Variants in PACRG observed in about 807,000 individuals in gnomAD.
The protein encoded by PACRG is parkin coregulated, also known as parkin coregulated gene protein.
A neutral mutation model predicts 29.7 loss-of-function variants in PACRG; 29 were observed. The ratio of observed to expected loss-of-function variants is 0.98; its 90% CI spans 0.73 to 1.33. The LOEUF is 1.33. Ranked by LOEUF, PACRG falls within the 40% of genes most tolerant of loss-of-function variation. The pLI, the probability that PACRG is intolerant of heterozygous loss-of-function variation, is 0.00. For missense variants in PACRG, 279 were observed against 316.2 expected, an observed-to-expected ratio of 0.88 and a Z score of 0.89; for synonymous variants, 116 against 118.7, an observed-to-expected ratio of 0.98 and a Z score of 0.15.
intron 1 of PACRG, among the ~76,000 whole-genome samples, chr6:162,731,972 C>T (rs1779804143): frequency 6.6e-6 from 1 of 152,006 alleles, no homozygotes; most frequent in Non-Finnish European, 1.5e-5. Context: ...TTCTTTGCAT[C>T]CTGTAAAATG....
At chr6:162,942,233 C>G (rs1039604176) in intron 2 of PACRG, among the ~76,000 whole-genome samples, 1 of 152,168 alleles carries the variant, frequency 6.6e-6, no homozygotes, top group Admixed American at 6.5e-5. Context: ...GCTATTCTCT[C>G]CACATACTGA....
intron 2 of PACRG, among the ~76,000 whole-genome samples, chr6:162,940,394 C>G (rs574058891): frequency 6.6e-6 from 1 of 151,726 alleles, no homozygotes; most frequent in Admixed American, 6.6e-5. Context: ...CTCTCTCCCT[C>G]TCTCTCTCTC....
At chr6:162,797,104 C>T (rs1234624337) in intron 1 of PACRG, among the ~76,000 whole-genome samples, 1 of 152,160 alleles carries the variant, frequency 6.6e-6, no homozygotes, top group Non-Finnish European at 1.5e-5. Flanking sequence ...TGGCGACCCC[C>T]CGTCTCTACT....
At chr6:163,019,260 T>C (rs1427551889) in intron 2 of PACRG, among the ~76,000 whole-genome samples, 1 of 152,192 alleles carries the variant, frequency 6.6e-6, no homozygotes, top group Non-Finnish European at 1.5e-5. Context: ...GAAGGGAGGA[T>C]TGGTCAAGAT....
intron 2 of PACRG, among the ~76,000 whole-genome samples, chr6:162,820,055 G>A (rs1036262741): frequency 6.6e-6 from 1 of 152,116 alleles, no homozygotes; most frequent in Non-Finnish European, 1.5e-5. Context: ...GGTTATACAC[G>A]AATGCTTTCC....
intron 2 of PACRG, among the ~76,000 whole-genome samples, chr6:162,910,825 C>G (rs565697084): frequency 6.6e-6 from 1 of 152,296 alleles, no homozygotes; most frequent in East Asian, 1.9e-4. Flanking sequence ...ATTTTCTCTG[C>G]AGATTAGTTC....
At chr6:163,049,383 A>G (rs989258717) in intron 2 of PACRG, among the ~76,000 whole-genome samples, 4 of 152,124 alleles carry the variant, frequency 2.6e-5, no homozygotes, top group African/African-American at 9.6e-5. Context: ...AATAAATCAT[A>G]AAAGTATGAG....
intron 1 of PACRG, among the ~76,000 whole-genome samples, chr6:162,789,738 C>T (rs1029845771): frequency 4.6e-5 from 7 of 152,106 alleles, no homozygotes; most frequent in Non-Finnish European, 7.4e-5. Context: ...TGGTCTTCCT[C>T]AATAGAAACT....
At position 162,851,047 on chromosome 6, in the gene PACRG, G is replaced by A. The variant is rs540261350; in HGVS notation, c.291+36766G>A. ...GGTGGGGAAATCCCCCACACATTTG[G>A]CCACAGCATTTTCTGTGTTGACTGC... On this transcript the variant is annotated intron_variant, in intron 2 of 4. Transcript: ENST00000366888. Among the ~76,000 whole-genome samples, 5 of 152,308 alleles carry A rather than the reference G, an allele frequency of 3.3e-5. 1 individual carries two copies. The highest frequency in any genetic ancestry group is 6.5e-5 in the Admixed American group (1 of 15,304).
rs552488670 is a variant in PACRG, at chr6:162,962,012, T to A, written c.292-100138T>A. On this transcript the variant is annotated intron_variant, in intron 2 of 4. Transcript: ENST00000366888. ...ACCATCATTTGCATCACTGCTAAAC[T>A]TTTGTTCCTCCTTGAATTTCCTTTT... Among the ~76,000 whole-genome samples, 281 of 152,312 alleles carry A rather than the reference T, an allele frequency of 1.8e-3. 1 individual carries two copies. Among genetic ancestry groups the A allele is most frequent in the African/African-American group, 6.3e-3 (262 of 41,570 alleles).
intron 4 of PACRG, among the ~76,000 whole-genome samples, chr6:163,262,472 T>A (rs1783362523): frequency 1.3e-5 from 2 of 152,240 alleles, no homozygotes; most frequent in African/African-American, 4.8e-5. Flanking sequence ...CCGGCAAGAT[T>A]GGAATATCTG....
intron 2 of PACRG, among the ~76,000 whole-genome samples, chr6:162,969,973 G>C (rs1024680052): frequency 1.3e-5 from 2 of 152,186 alleles, no homozygotes; most frequent in Non-Finnish European, 2.9e-5. Flanking sequence ...TGGAGTAAAT[G>C]AATGAATGGT....
chr6:162,843,954 T>C (rs1790071206), intron 2 of PACRG, among the ~76,000 whole-genome samples: 1 of 97,364 alleles, frequency 1.0e-5, no homozygotes, highest in African/African-American at 4.1e-5. Flanking sequence ...AGTCTGCCCG[T>C]TCTCAGATCT....
chr6:163,181,234 C>T (rs1360779144), intron 4 of PACRG, among the ~76,000 whole-genome samples: 2 of 152,124 alleles, frequency 1.3e-5, no homozygotes, highest in Non-Finnish European at 2.9e-5. Flanking sequence ...TCCCATACCT[C>T]GGGCTATCTT....
chr6:162,730,907 A>G (rs1779717351), intron 1 of PACRG, among the ~76,000 whole-genome samples: 1 of 152,186 alleles, frequency 6.6e-6, no homozygotes, highest in African/African-American at 2.4e-5. Context: ...GGGGTGTGAT[A>G]GAGCCCATGA....
intron 2 of PACRG, among the ~76,000 whole-genome samples, chr6:162,841,185 T>C (rs1449939129): frequency 1.4e-5 from 2 of 143,472 alleles, no homozygotes; most frequent in Non-Finnish European, 3.0e-5. Context: ...AGTTCCTCCT[T>C]GTACCTCTGG....
At chr6:163,095,447 C>T (rs902840337) in intron 4 of PACRG, 2 of 982,226 alleles carry the variant, frequency 2.0e-6, no homozygotes, top group Non-Finnish European at 2.4e-6. Context: ...TCTTAGCTTC[C>T]TGGAGCCACG....
At chr6:162,791,332 C>A (rs543399103) in intron 1 of PACRG, among the ~76,000 whole-genome samples, 65 of 95,330 alleles carry the variant, frequency 6.8e-4, no homozygotes, top group African/African-American at 2.7e-3. Flanking sequence ...TTTTGCTTTG[C>A]GCTAACTTTC....
In PACRG at chr6:162,919,538, A is replaced by G. The variant is rs929250453; in HGVS notation, c.291+105257A>G. Among the ~76,000 whole-genome samples the G allele has an allele frequency of 3.3e-4, 51 of 152,324 alleles. 1 individual carries two copies. Among genetic ancestry groups the G allele is most frequent in the African/African-American group, 9.6e-4 (40 of 41,582 alleles). ...AGTTCCCAGCTAAGAGGCCAGTACA[A>G]TTATTAGAGGCAAGTAGCAACCCAT... is the stretch of plus-strand genomic sequence containing the variant. On this transcript the variant is annotated intron_variant, in intron 2 of 4. Coordinates refer to ENST00000366888, the MANE Select transcript of PACRG (RefSeq NM_001080379.2).
Sources: gnomAD v4.1 joint callset for allele counts (sites outside exome capture counted in the v4.1 genomes callset) on GRCh38, gnomAD v4.1.1 for gene constraint, MANE v1.5 for transcripts, NCBI Gene and HGNC (gene_info 2026-07-23, HGNC 2026-07-21) for gene names.